The following ABCG2 variants were observed in gnomAD, a reference collection of about 807,000 sequenced individuals.
ABCG2 encodes ATP binding cassette subfamily G member 2 (JR blood group).
Under a neutral mutation model 73.5 loss-of-function variants are expected in ABCG2, and 80 were observed. The ratio of observed to expected loss-of-function variants is 1.09; its 90% CI spans 0.91 to 1.31. The LOEUF (loss-of-function observed/expected upper bound fraction) is 1.31, where lower values mean the gene tolerates loss of function less well. Among genes scored for constraint, ABCG2 ranks in the 50% most tolerant of loss-of-function variants. ABCG2 has a pLI of 0.00. For synonymous variants in ABCG2, 269 were observed against 282.4 expected (o/e 0.95, Z 0.48); for missense variants, 796 against 786.2 (o/e 1.01, Z -0.15).
At chr4:88,202,049 A>G (rs1220829367) in intron 1 of ABCG2, among the ~76,000 whole-genome samples, 2 of 152,050 alleles carry the variant, frequency 1.3e-5, no homozygotes, top group African/African-American at 4.8e-5. Flanking sequence ...ATTCAGCAAT[A>G]TCTAAAGAGA....
At chr4:88,183,254 A>G (rs1022143471) in intron 1 of ABCG2, among the ~76,000 whole-genome samples, 5 of 152,016 alleles carry the variant, frequency 3.3e-5, no homozygotes, top group Admixed American at 1.3e-4. Context: ...AACAAAGAAA[A>G]CAATAGACAA....
intron 1 of ABCG2, among the ~76,000 whole-genome samples, chr4:88,206,995 A>T (rs1729406411): frequency 6.6e-6 from 1 of 152,148 alleles, no homozygotes; most frequent in Non-Finnish European, 1.5e-5. Context: ...GGGTTTCACC[A>T]TGTTGGCCAG....
At chr4:88,106,129 T>C (rs2109992997) in intron 10 of ABCG2, among the ~76,000 whole-genome samples, 1 of 152,182 alleles carries the variant, frequency 6.6e-6, no homozygotes, top group Non-Finnish European at 1.5e-5. Context: ...GGAACTAAAA[T>C]AGGGTTTTTT....
chr4:88,093,553 G>A (rs531421856), intron 15 of ABCG2, among the ~76,000 whole-genome samples: 2 of 150,404 alleles, frequency 1.3e-5, no homozygotes, highest in Admixed American at 6.6e-5. Flanking sequence ...GTCTACTGAG[G>A]ATGAAGCCTC....
chr4:88,136,668 T>G (rs1725264980), intron 2 of ABCG2, among the ~76,000 whole-genome samples: 2 of 152,186 alleles, frequency 1.3e-5, no homozygotes, highest in South Asian at 4.1e-4. Flanking sequence ...ATCATGCCAC[T>G]GCACTCCAGC....
intron 1 of ABCG2, among the ~76,000 whole-genome samples, chr4:88,185,968 AT>A (rs566939115): frequency 4.8e-4 from 73 of 152,344 alleles, no homozygotes; most frequent in African/African-American, 1.7e-3. Context: ...AAAACTAAAA[AT>A]AGAACTTACA....
chr4:88,176,307 T>C, intron 1 of ABCG2, among the ~76,000 whole-genome samples: 1 of 151,768 alleles, frequency 6.6e-6, no homozygotes, highest in East Asian at 1.9e-4. Context: ...ATATGATTAT[T>C]GATTATTCTT....
chr4:88,194,370 T>G (rs192038663), intron 1 of ABCG2, among the ~76,000 whole-genome samples: 226 of 151,586 alleles, frequency 1.5e-3, no homozygotes, highest in African/African-American at 4.6e-3. Context: ...CTAACACGGT[T>G]AAACCCCGTC....
At chr4:88,219,576 A>ATTTTTTTTTTT (rs5860122) in intron 1 of ABCG2, among the ~76,000 whole-genome samples, 7 of 90,872 alleles carry the variant, frequency 7.7e-5, no homozygotes, top group Admixed American at 1.7e-4. Context: ...TACCATTCAA[A>ATTTTTTTTTTT]TTTTTTTTTT....
intron 1 of ABCG2, among the ~76,000 whole-genome samples, chr4:88,181,270 C>T (rs986402203): frequency 9.2e-5 from 14 of 151,572 alleles, no homozygotes; most frequent in African/African-American, 3.2e-4. Context: ...CATGGTGGTG[C>T]GTGCCTGTAA....
intron 8 of ABCG2, among the ~76,000 whole-genome samples, chr4:88,114,063 A>T: frequency 6.6e-6 from 1 of 152,054 alleles, no homozygotes; most frequent in East Asian, 1.9e-4. Flanking sequence ...AGTATTTTGC[A>T]GGGCAGAGGC....
rs199976573 is a variant in ABCG2, at chr4:88,132,618, C to T, written c.221G>A (p.Gly74Asp). 136 of 1,614,016 alleles carry T rather than the reference C, an allele frequency of 8.4e-5. No individual in the cohort carries two copies. The highest frequency in any genetic ancestry group is 1.3e-4 in the Admixed American group (8 of 60,004). The change falls in exon 3 of 16, where the codon GGT becomes GAT. Residue 74 changes from glycine (G) to aspartate (D), a missense_variant. Coordinates refer to ENST00000237612, the MANE Select transcript of ABCG2 (RefSeq NM_004827.3). ...TGTGGGTCCCAGGATGGCGTTGAGA[C>T]CAGGTTTCATGATCCCACTGTAAAC... ...LSNINGIMKP[G>D]LNAILGPTGG...
intron 13 of ABCG2, among the ~76,000 whole-genome samples, chr4:88,097,047 T>TA (rs4148163): frequency 0.014 from 2,051 of 149,660 alleles, 35 homozygotes; most frequent in African/African-American, 0.035. Context: ...TTAAAAATGT[T>TA]AAAAAAAAAA....
At chr4:88,184,736 T>C (rs986890608) in intron 1 of ABCG2, among the ~76,000 whole-genome samples, 1 of 152,092 alleles carries the variant, frequency 6.6e-6, no homozygotes, top group Non-Finnish European at 1.5e-5. Context: ...AGACCCACAA[T>C]AGGCAAAGCC....
At chr4:88,131,026 T>C (rs375678244) in intron 5 of ABCG2, 35 bp downstream of exon 5, 86 of 1,611,506 alleles carry the variant, frequency 5.3e-5, no homozygotes, top group Middle Eastern at 3.3e-4. Flanking sequence ...GTCCTACTTA[T>C]GCTGATCATG....
chr4:88,168,134 C>G (rs1727615759), intron 1 of ABCG2, among the ~76,000 whole-genome samples: 1 of 152,008 alleles, frequency 6.6e-6, no homozygotes, highest in East Asian at 1.9e-4. Context: ...CACCTTGGTT[C>G]ATGTAATTTG....
intron 1 of ABCG2, among the ~76,000 whole-genome samples, chr4:88,229,505 C>T (rs954976036): frequency 6.6e-6 from 1 of 152,126 alleles, no homozygotes; most frequent in Admixed American, 6.5e-5. Context: ...TACAACCTAC[C>T]TACTCTGTCT....
At chr4:88,188,970 G>A (rs12645232) in intron 1 of ABCG2, among the ~76,000 whole-genome samples, 13,830 of 151,800 alleles carry the variant, frequency 0.091, 834 homozygotes, top group East Asian at 0.23. Flanking sequence ...CCAAGATTGC[G>A]CCACTGGACT....
intron 1 of ABCG2, among the ~76,000 whole-genome samples, chr4:88,187,826 A>T (rs925836538): frequency 1.3e-5 from 2 of 152,340 alleles, no homozygotes; most frequent in South Asian, 4.1e-4. Context: ...AAGACACCCT[A>T]CCAAATGGGG....
Sources: allele counts gnomAD v4.1 joint callset (sites outside exome capture counted in the v4.1 genomes callset), GRCh38; gene constraint gnomAD v4.1.1; transcripts MANE v1.5; gene names NCBI Gene and HGNC (gene_info 2026-07-23, HGNC 2026-07-21).